KIAA1217: variants seen among roughly 807,000 people sequenced by gnomAD.
KIAA1217 encodes the protein KIAA1217.
In KIAA1217, 88 loss-of-function variants were observed where a neutral mutation model predicts 163.9. The ratio of observed to expected loss-of-function variants is 0.54; its 90% CI spans 0.45 to 0.64. The LOEUF is 0.64. Among genes scored for constraint, KIAA1217 ranks in the 30% least tolerant of loss-of-function variants. The pLI is 0.00. For synonymous variants in KIAA1217, 903 were observed against 923.1 expected (o/e 0.98, Z 0.39); for missense variants, 2,372 against 2,475.0 (o/e 0.96, Z 0.88).
intron 3 of KIAA1217, among the ~76,000 whole-genome samples, chr10:24,416,906 C>T (rs3847376): frequency 2.6e-5 from 4 of 151,824 alleles, no homozygotes; most frequent in East Asian, 1.9e-4. Context: ...GCAAGGATTA[C>T]GGGACAAGGA....
chr10:23,711,152 C>G (rs988159590), intron 1 of KIAA1217, among the ~76,000 whole-genome samples: 1 of 152,124 alleles, frequency 6.6e-6, no homozygotes, highest in Non-Finnish European at 1.5e-5. Context: ...ATGAGGCTGG[C>G]AGGTTGGTTC....
At chr10:23,815,632 A>G (rs1837281300) in intron 1 of KIAA1217, among the ~76,000 whole-genome samples, 1 of 152,198 alleles carries the variant, frequency 6.6e-6, no homozygotes, top group South Asian at 2.1e-4. Flanking sequence ...CGACAGAGCA[A>G]GACTCCATCT....
intron 2 of KIAA1217, among the ~76,000 whole-genome samples, chr10:24,096,010 A>T (rs2062145722): frequency 6.6e-6 from 1 of 152,206 alleles, no homozygotes; most frequent in Non-Finnish European, 1.5e-5. Flanking sequence ...TGAGAGGCTG[A>T]GACAGAAAGA....
intron 8 of KIAA1217, among the ~76,000 whole-genome samples, chr10:24,499,156 G>C (rs2067191949): frequency 6.6e-6 from 1 of 152,172 alleles, no homozygotes; most frequent in Non-Finnish European, 1.5e-5. Flanking sequence ...TCTGGGGAAT[G>C]ATGATAAAGT....
intron 2 of KIAA1217, among the ~76,000 whole-genome samples, chr10:24,043,017 A>G (rs368155892): frequency 3.9e-5 from 6 of 152,196 alleles, no homozygotes; most frequent in African/African-American, 1.4e-4. Flanking sequence ...GGAGCATTTA[A>G]ATTAGCCTTC....
intron 2 of KIAA1217, among the ~76,000 whole-genome samples, chr10:24,307,613 A>T (rs1340496215): frequency 2.6e-5 from 2 of 75,956 alleles, no homozygotes; most frequent in East Asian, 8.4e-4. Flanking sequence ...CCATCTCTCC[A>T]AAAAAAAAAA....
intron 1 of KIAA1217, among the ~76,000 whole-genome samples, chr10:23,844,286 G>A (rs1838921035): frequency 6.6e-6 from 1 of 152,086 alleles, no homozygotes; most frequent in East Asian, 1.9e-4. Flanking sequence ...TTCTCTTTGT[G>A]AGTTTATGCC....
At chr10:24,069,106 G>T (rs116604385) in intron 2 of KIAA1217, among the ~76,000 whole-genome samples, 372 of 152,294 alleles carry the variant, frequency 2.4e-3, no homozygotes, top group African/African-American at 8.7e-3. Context: ...ATTGAGCCAG[G>T]GGGCAGAGCT....
chr10:24,536,879 C>A lies in KIAA1217; in HGVS notation c.3520C>A (p.Pro1174Thr). ...CACTAGGTCGGGCGCCACAGTGCCA[C>A]CCAAGGAGAAGAAGGTAACGTGGCA... ...KDTRSGATVP[P>T]KEKKNLEFFH... Residue 1174 changes from proline to threonine, a missense_variant, in exon 17 of 21, where the codon CCC (proline) becomes ACC (threonine). Physicochemically the swap from Pro to Thr is conservative, Grantham distance 38. This residue lies in a region of KIAA1217 where 251 missense variants were observed against 327.3 expected (regional missense o/e 0.77). Transcript: ENST00000376454. The A allele has an allele frequency of 6.2e-7, 1 of 1,613,992 alleles. No individual in the cohort carries two copies.
intron 2 of KIAA1217, among the ~76,000 whole-genome samples, chr10:24,347,755 A>T (rs2047967692): frequency 6.6e-6 from 1 of 152,224 alleles, no homozygotes; most frequent in African/African-American, 2.4e-5. Flanking sequence ...TCGTGAAGAA[A>T]TGCTTTGAGG....
At chr10:23,798,014 T>C (rs570811546) in intron 1 of KIAA1217, among the ~76,000 whole-genome samples, 1 of 152,194 alleles carries the variant, frequency 6.6e-6, no homozygotes, top group Non-Finnish European at 1.5e-5. Flanking sequence ...AATTCTTTTT[T>C]TAGTCACAAG....
chr10:24,542,468 T>C, intron 17 of KIAA1217: 1 of 1,387,276 alleles, frequency 7.2e-7, no homozygotes, highest in East Asian at 2.6e-5. Flanking sequence ...ATTCTTGAAA[T>C]CTTTTGCTAA....
At chr10:23,775,027 G>T (rs924842078) in intron 1 of KIAA1217, among the ~76,000 whole-genome samples, 2 of 152,182 alleles carry the variant, frequency 1.3e-5, no homozygotes, top group Non-Finnish European at 2.9e-5. Flanking sequence ...AGATCTTGGT[G>T]CATGATGCCA....
chr10:24,073,547 C>T (rs1461867763), intron 2 of KIAA1217, among the ~76,000 whole-genome samples: 5 of 152,122 alleles, frequency 3.3e-5, no homozygotes, highest in Admixed American at 1.3e-4. Context: ...GAAAACATGT[C>T]GAGGGCTTAG....
chr10:24,154,289 G>A (rs1246327477), intron 2 of KIAA1217, among the ~76,000 whole-genome samples: 2 of 152,124 alleles, frequency 1.3e-5, no homozygotes, highest in East Asian at 1.9e-4. Flanking sequence ...GTAGCCAGAC[G>A]TGGTGACACA....
intron 1 of KIAA1217, among the ~76,000 whole-genome samples, chr10:23,871,001 T>C (rs1181036378): frequency 6.6e-6 from 1 of 151,920 alleles, no homozygotes; most frequent in Admixed American, 6.6e-5. Context: ...AGGTTTGTTT[T>C]TTTTTCTTTT....
At chr10:24,192,046 G>A (rs1415889448) in intron 2 of KIAA1217, among the ~76,000 whole-genome samples, 1 of 152,160 alleles carries the variant, frequency 6.6e-6, no homozygotes, top group Admixed American at 6.5e-5. Flanking sequence ...TCCCAACCAC[G>A]GATTTACTTA....
At chr10:24,380,845 C>A in intron 2 of KIAA1217, 24 bp from the exon 3 acceptor site, 1 of 1,478,226 alleles carries the variant, frequency 6.8e-7, no homozygotes, top group Non-Finnish European at 9.0e-7. Context: ...TATTTTCCCA[C>A]TTTCTTTAAA....
At chr10:23,906,652 C>T (rs1485569616) in intron 1 of KIAA1217, among the ~76,000 whole-genome samples, 1 of 152,056 alleles carries the variant, frequency 6.6e-6, no homozygotes, top group Non-Finnish European at 1.5e-5. Flanking sequence ...CCCCAACATG[C>T]ATTTGGTTTT....
Sources: allele counts gnomAD v4.1 joint callset (sites outside exome capture counted in the v4.1 genomes callset), GRCh38; gene constraint gnomAD v4.1.1; regional missense constraint gnomAD v4.1.1; transcripts MANE v1.5; gene names NCBI Gene and HGNC (gene_info 2026-07-23, HGNC 2026-07-21).